Variants in PAQR3 observed in about 807,000 individuals in gnomAD.
PAQR3 encodes the protein progestin and adipoQ receptor family member 3.
Under a neutral mutation model 41.7 loss-of-function variants are expected in PAQR3, and 39 were observed. The observed-to-expected ratio is 0.93, with a 90% CI of 0.72 to 1.22. The LOEUF is 1.22. Among genes scored for constraint, PAQR3 ranks in the 50% most tolerant of loss-of-function variants. The pLI, the probability that PAQR3 is intolerant of heterozygous loss-of-function variation, is 0.00. For missense variants in PAQR3, 366 were observed against 385.6 expected, an observed-to-expected ratio of 0.95 and a Z score of 0.42; for synonymous variants, 140 against 140.6, an observed-to-expected ratio of 1.00 and a Z score of 0.03.
At chr4:78,930,898 A>G (rs1358847627) in intron 2 of PAQR3, among the ~76,000 whole-genome samples, 2 of 151,692 alleles carry the variant, frequency 1.3e-5, no homozygotes, top group African/African-American at 2.4e-5. Context: ...ATATATATAT[A>G]TATATATACA....
intron 11 of PAQR3, among the ~76,000 whole-genome samples, chr4:78,889,463 T>C (rs988729312): frequency 2.9e-4 from 44 of 152,160 alleles, no homozygotes; most frequent in Non-Finnish European, 5.3e-4. Context: ...AGTTAAAAAA[T>C]CTAAATATAT....
intron 2 of PAQR3, among the ~76,000 whole-genome samples, chr4:78,931,057 GA>G (rs370710834): frequency 1.8e-4 from 27 of 151,604 alleles, no homozygotes; most frequent in African/African-American, 6.3e-4. Flanking sequence ...TTGCCTTCAA[GA>G]AAAAACAGGC....
chr4:78,932,809 ATGCCC>A (rs759724548), intron 2 of PAQR3, among the ~76,000 whole-genome samples: 1 of 152,208 alleles, frequency 6.6e-6, no homozygotes, highest in Non-Finnish European at 1.5e-5. Context: ...CATACCTAGT[ATGCCC>A]TGTTTAAGAA....
At chr4:78,890,509 T>C (rs923558285) in intron 11 of PAQR3, among the ~76,000 whole-genome samples, 1 of 152,178 alleles carries the variant, frequency 6.6e-6, no homozygotes, top group Non-Finnish European at 1.5e-5. Context: ...TTTTAATATG[T>C]AAATATTTGT....
intron 11 of PAQR3, among the ~76,000 whole-genome samples, chr4:78,901,394 A>G (rs1028341038): frequency 6.6e-6 from 1 of 152,088 alleles, no homozygotes; most frequent in African/African-American, 2.4e-5. Context: ...TAAATTGGAG[A>G]TAATACTGGC....
At chr4:78,923,131 A>G (rs1283455890) in intron 5 of PAQR3, 1 of 356,930 alleles carries the variant, frequency 2.8e-6, no homozygotes, top group Non-Finnish European at 5.5e-6. Context: ...GACCCTTTTG[A>G]TGTACATATT....
At position 78,918,265 on chromosome 4, in the gene PAQR3, ATAACT is replaced by A. The variant is rs557009618; in HGVS notation, c.*2269_*2273del. Reference sequence around the variant, plus strand: ...CTTACTTTAATCTATAAAAACAAAAATAACTTAAATATACATCATTACAAGGCTCA... The same window carrying A: ...CTTACTTTAATCTATAAAAACAAAAATAAATATACATCATTACAAGGCTCA... On this transcript the variant is annotated 3_prime_UTR_variant, in exon 6 of 6. Coordinates refer to ENST00000512733, the MANE Select transcript of PAQR3 (RefSeq NM_001040202.2). 4.6e-4 allele frequency: 434 copies of A among 934,890 alleles called. No individual in the cohort carries two copies. Among genetic ancestry groups the A allele is most frequent in the African/African-American group, 8.2e-4 (46 of 56,160 alleles). The allele number at this position is 934,890 out of a possible 1,614,324, so 57.9% of individuals were successfully genotyped here. A position where few individuals can be genotyped will look rare whatever the true frequency, so the allele number is the denominator to read the frequency against.
chr4:78,890,068 CT>C (rs1733346951), intron 11 of PAQR3, among the ~76,000 whole-genome samples: 1 of 151,770 alleles, frequency 6.6e-6, no homozygotes, highest in Admixed American at 6.6e-5. Flanking sequence ...TTAGTATATA[CT>C]TTTTTCTGCA....
intron 11 of PAQR3, among the ~76,000 whole-genome samples, chr4:78,888,889 T>C (rs1733257677): frequency 6.6e-6 from 1 of 152,140 alleles, no homozygotes; most frequent in Admixed American, 6.6e-5. Flanking sequence ...CTATAAAAAT[T>C]CATATTCCTT....
At chr4:78,906,454 G>A (rs1173050199) in intron 10 of PAQR3, among the ~76,000 whole-genome samples, 1 of 152,146 alleles carries the variant, frequency 6.6e-6, no homozygotes, top group Non-Finnish European at 1.5e-5. Flanking sequence ...AAAGCACAAA[G>A]GTGGTATAGA....
chr4:78,938,078 G>A (rs543649889), intron 1 of PAQR3, among the ~76,000 whole-genome samples: 1 of 152,328 alleles, frequency 6.6e-6, no homozygotes, highest in South Asian at 2.1e-4. Context: ...AGGACAAAAG[G>A]AAAGAAGGGC....
In PAQR3 at chr4:78,920,648, A is replaced by G; in HGVS notation, c.827T>C (p.Ile276Thr). The change falls in exon 6 of 6, where the codon ATA becomes ACA. Residue 276 changes from isoleucine to threonine, a missense_variant. Ile to Thr is a moderately conservative substitution (Grantham distance 89). Transcript: ENST00000512733. ...QLNYLGSSHQ[I>T]WHILAVVMLY... ...CATCACTACTGCAAGGATATGCCATATTTGGTGGCTTGATCCGAGGTAGTT... is the reference window on the plus strand; with the variant it reads ...CATCACTACTGCAAGGATATGCCATGTTTGGTGGCTTGATCCGAGGTAGTT... The G allele has an allele frequency of 6.2e-7, 1 of 1,610,210 alleles. No individual in the cohort carries two copies. The highest frequency in any genetic ancestry group is 8.5e-7 in the Non-Finnish European group (1 of 1,177,758).
Position 78,926,515 on chromosome 4 carries a change from A to G in PAQR3, c.702+6T>C. On this transcript the variant is annotated splice_donor_region_variant and intron_variant, in intron 4 of 5. Coordinates refer to ENST00000512733, the MANE Select transcript of PAQR3 (RefSeq NM_001040202.2). ...AAGAGAAAAATATTAACTACACTCA[A>G]CCTACCTGTACAATAGGAGCACCAA... The G allele has an allele frequency of 6.2e-7, 1 of 1,606,774 alleles. No homozygotes were observed. The highest frequency in any genetic ancestry group is 8.5e-7 in the Non-Finnish European group (1 of 1,173,416).
downstream of PAQR3, among the ~76,000 whole-genome samples, chr4:78,908,045 A>G (rs983583057): frequency 2.6e-5 from 4 of 152,216 alleles, no homozygotes; most frequent in Admixed American, 6.5e-5. Context: ...TTTGTTTTTA[A>G]TATCATAAAT....
chr4:78,917,965 A>T lies in PAQR3; in HGVS notation c.*2574T>A. The T allele has an allele frequency of 1.0e-6, 1 of 984,134 alleles. No homozygotes were observed. Among genetic ancestry groups the T allele is most frequent in the Non-Finnish European group, 1.2e-6 (1 of 828,420 alleles). The allele number at this position is 984,134 out of a possible 1,614,324, so 61.0% of individuals were successfully genotyped here. A position where few individuals can be genotyped will look rare whatever the true frequency, so the allele number is the denominator to read the frequency against. ...TATTTAGTAAACCCAGTTTATTTACATAATACATATTTTGTCATGCAGCTT... is the reference window on the plus strand; with the variant it reads ...TATTTAGTAAACCCAGTTTATTTACTTAATACATATTTTGTCATGCAGCTT... On this transcript the variant is annotated 3_prime_UTR_variant, in exon 6 of 6. Transcript: ENST00000512733.
At chr4:78,897,069 C>G (rs1733739933) in intron 11 of PAQR3, among the ~76,000 whole-genome samples, 1 of 151,602 alleles carries the variant, frequency 6.6e-6, no homozygotes, top group African/African-American at 2.4e-5. Context: ...TAAGTAAATA[C>G]AATTTAGTAT....
chr4:78,937,199 T>C lies in PAQR3; in HGVS notation c.185+1841A>G, dbSNP rs182041479. On this transcript the variant is annotated intron_variant, in intron 1 of 5. Transcript: ENST00000512733. ...CATCTCATGGAATGCTGACTGTACA[T>C]GGGATGGAGGCCTTTTGTTTTGCAA... Among the ~76,000 whole-genome samples the C allele has an allele frequency of 2.6e-3, 394 of 152,296 alleles. 1 individual carries two copies. Among genetic ancestry groups the C allele is most frequent in the Non-Finnish European group, 4.4e-3 (302 of 68,006 alleles).
downstream of PAQR3, among the ~76,000 whole-genome samples, chr4:78,907,229 C>T (rs555811883): frequency 2.3e-4 from 35 of 152,270 alleles, no homozygotes; most frequent in South Asian, 7.2e-3. Context: ...TTTATACCCA[C>T]ACTGACAATT....
chr4:78,891,573 G>A (rs1459337860), intron 11 of PAQR3, among the ~76,000 whole-genome samples: 1 of 151,948 alleles, frequency 6.6e-6, no homozygotes, highest in Non-Finnish European at 1.5e-5. Context: ...CTAGCTCTTT[G>A]TCTTTTATAT....
Sources: allele counts gnomAD v4.1 joint callset (sites outside exome capture counted in the v4.1 genomes callset), GRCh38; gene constraint gnomAD v4.1.1; transcripts MANE v1.5; gene names NCBI Gene and HGNC (gene_info 2026-07-23, HGNC 2026-07-21).